The following JAK2 variants were observed in gnomAD, a reference collection of about 807,000 sequenced individuals.
JAK2 encodes the protein tyrosine-protein kinase JAK2.
JAK2 carries 86 observed loss-of-function variants against 139.3 expected under a neutral mutation model. That is an observed-to-expected ratio of 0.62 (90% CI 0.52 to 0.74). The LOEUF is 0.74. Ranked by LOEUF, JAK2 falls within the 30% of genes least tolerant of loss-of-function variation. The pLI is 0.00. For synonymous variants in JAK2, 490 were observed against 437.7 expected (o/e 1.12, Z -1.49); for missense variants, 1,421 against 1,360.3 (o/e 1.04, Z -0.70).
rs775053568 is a variant in JAK2 at position 5,072,518 on chromosome 9, T to C, written c.1668T>C (p.Phe556=). Reference sequence around the variant, plus strand: ...ATGAAAGCCTTGGCCAAGGCACTTTTACAAAGATTTTTAAAGGCGTACGAA... The same window carrying C: ...ATGAAAGCCTTGGCCAAGGCACTTTCACAAAGATTTTTAAAGGCGTACGAA... ...IFNESLGQGT[F]TKIFKGVRRE... The change falls in exon 13 of 25, where the codon TTT becomes TTC. Residue 556 remains phenylalanine (F), a synonymous_variant. Transcript: ENST00000381652. The C allele has an allele frequency of 5.0e-6, 8 of 1,596,676 alleles. No homozygotes were observed. Among genetic ancestry groups the C allele is most frequent in the Non-Finnish European group, 5.1e-6 (6 of 1,170,510 alleles).
intron 23 of JAK2, 96 bp from the exon 24 acceptor site, chr9:5,126,237 A>G: frequency 1.3e-6 from 1 of 756,234 alleles, no homozygotes; most frequent in Non-Finnish European, 2.2e-6. Context: ...AAAAGCACAC[A>G]TATACTAAAT....
chr9:4,986,992 A>G (rs1819981692), intron 2 of JAK2, among the ~76,000 whole-genome samples: 1 of 152,216 alleles, frequency 6.6e-6, no homozygotes, highest in Non-Finnish European at 1.5e-5. Flanking sequence ...ATGAATAATC[A>G]ATTTTTGGCC....
At chr9:5,088,572 G>A (rs2130665830) in intron 19 of JAK2, among the ~76,000 whole-genome samples, 1 of 152,148 alleles carries the variant, frequency 6.6e-6, no homozygotes, top group South Asian at 2.1e-4. Flanking sequence ...CATCCCATAG[G>A]CTAAAAGTTT....
intron 22 of JAK2, among the ~76,000 whole-genome samples, chr9:5,102,127 A>T (rs1821545474): frequency 6.6e-6 from 1 of 152,184 alleles, no homozygotes; most frequent in African/African-American, 2.4e-5. Flanking sequence ...CATCGCAAGG[A>T]AGCTAAAAAC....
At chr9:5,030,250 G>A (rs1429822653) in intron 4 of JAK2, among the ~76,000 whole-genome samples, 1 of 152,078 alleles carries the variant, frequency 6.6e-6, no homozygotes, top group Non-Finnish European at 1.5e-5. Flanking sequence ...GCAATAGAAT[G>A]CAATTTCACA....
At position 5,129,645 on chromosome 9, in the gene JAK2, A is replaced by C. The variant is rs1285582929; in HGVS notation, c.*2854A>C. ...GCTTGATTTAAGAAAAAAACAATTA[A>C]AGTATGAATATCAGAAATACTGTGT... On this transcript the variant is annotated 3_prime_UTR_variant, in exon 25 of 25. Transcript: ENST00000381652. Among the ~76,000 whole-genome samples, 1 of 152,104 alleles carries C rather than the reference A, an allele frequency of 6.6e-6. No homozygotes were observed. Among genetic ancestry groups the C allele is most frequent in the Non-Finnish European group, 1.5e-5 (1 of 67,964 alleles).
rs1816847313 is a variant in JAK2 at position 5,044,421 on chromosome 9, G to C, written c.369G>C (p.Trp123Cys). The C allele has an allele frequency of 6.2e-7, 1 of 1,610,456 alleles. No homozygotes were observed. Among genetic ancestry groups the C allele is most frequent in the South Asian group, 1.1e-5 (1 of 90,758 alleles). The part of the protein sequence containing the change: ...LYRIRFYFPR[W>C]YCSGSNRAYR... ...CTTGTAGATTTTACTTTCCTCGTTG[G>C]TATTGCAGTGGCAGCAACAGAGCCT... The change falls in exon 5 of 25, where the codon TGG (tryptophan) becomes TGC (cysteine). Residue 123 changes from tryptophan (W) to cysteine (C), a missense_variant. Trp to Cys is a radical substitution (Grantham distance 215). Transcript: ENST00000381652.
chr9:5,036,619 C>G (rs534736757), intron 4 of JAK2, among the ~76,000 whole-genome samples: 1 of 152,250 alleles, frequency 6.6e-6, no homozygotes, highest in South Asian at 2.1e-4. Flanking sequence ...GGAAAGGATT[C>G]CCTATTTAAT....
intron 2 of JAK2, among the ~76,000 whole-genome samples, chr9:4,993,948 G>C (rs1430578027): frequency 5.9e-5 from 9 of 152,190 alleles, no homozygotes; most frequent in Non-Finnish European, 1.2e-4. Flanking sequence ...CAGACTGAGT[G>C]ATCATGTATG....
intron 2 of JAK2, among the ~76,000 whole-genome samples, chr9:4,990,621 G>A (rs1205271652): frequency 6.6e-6 from 1 of 152,112 alleles, no homozygotes; most frequent in East Asian, 1.9e-4. Flanking sequence ...AAAACAGTAT[G>A]AGAGGCAAAT....
chr9:5,088,163 G>A (rs771594240), intron 19 of JAK2, among the ~76,000 whole-genome samples: 13 of 151,972 alleles, frequency 8.6e-5, no homozygotes, highest in Non-Finnish European at 1.9e-4. Context: ...AATTGTCCGC[G>A]GTCACAGAGA....
chr9:4,992,020 G>C (rs556224187), intron 2 of JAK2, among the ~76,000 whole-genome samples: 1 of 152,242 alleles, frequency 6.6e-6, no homozygotes, highest in South Asian at 2.1e-4. Context: ...CAGATACCAT[G>C]GGTCAGTAAT....
chr9:5,104,226 G>C (rs534947536), intron 22 of JAK2, among the ~76,000 whole-genome samples: 3 of 152,214 alleles, frequency 2.0e-5, no homozygotes, highest in African/African-American at 7.2e-5. Context: ...AAATGGTAAA[G>C]GGGATATCAC....
intron 18 of JAK2, among the ~76,000 whole-genome samples, chr9:5,081,358 T>G (rs569812194): frequency 5.1e-4 from 78 of 152,248 alleles, no homozygotes; most frequent in African/African-American, 1.8e-3. Context: ...TGTATTTGTT[T>G]TGCTTTGTTC....
At chr9:5,062,453 T>TA (rs1818249039) in intron 8 of JAK2, among the ~76,000 whole-genome samples, 2 of 133,636 alleles carry the variant, frequency 1.5e-5, no homozygotes, top group African/African-American at 5.8e-5. Context: ...ATTGCACTGA[T>TA]AGACTTGTAC....
chr9:5,017,889 T>G (rs73393423), intron 2 of JAK2, among the ~76,000 whole-genome samples: 1,721 of 152,314 alleles, frequency 0.011, 33 homozygotes, highest in African/African-American at 0.037. Flanking sequence ...TAGAATTACC[T>G]TGTCTCTTTA....
intron 8 of JAK2, among the ~76,000 whole-genome samples, chr9:5,061,057 C>T (rs976420835): frequency 6.6e-6 from 1 of 152,166 alleles, no homozygotes; most frequent in African/African-American, 2.4e-5. Context: ...CTGAGCAGAT[C>T]TTAACAATGG....
At chr9:5,099,125 T>A (rs1420586381) in intron 22 of JAK2, 1 of 152,192 alleles carries the variant, frequency 6.6e-6, no homozygotes, top group South Asian at 2.1e-4. Flanking sequence ...TCTGAAGACA[T>A]CCTGCACTCA....
intron 4 of JAK2, among the ~76,000 whole-genome samples, chr9:5,036,002 C>A (rs1447434904): frequency 2.6e-5 from 4 of 152,206 alleles, no homozygotes; most frequent in African/African-American, 9.6e-5. Context: ...AGCCCAAAAT[C>A]TCCTTAAGCT....
Sources: allele counts gnomAD v4.1 joint callset (sites outside exome capture counted in the v4.1 genomes callset), GRCh38; gene constraint gnomAD v4.1.1; transcripts MANE v1.5; gene names NCBI Gene and HGNC (gene_info 2026-07-23, HGNC 2026-07-21).